Variants in RCAN2 observed in about 807,000 individuals in gnomAD.
RCAN2 encodes calcipressin-2.
Under a neutral mutation model 23.6 loss-of-function variants are expected in RCAN2, and 9 were observed. That is an observed-to-expected ratio of 0.38 (90% CI 0.23 to 0.67). RCAN2 has a LOEUF of 0.67. Ranked by LOEUF, RCAN2 falls within the 30% of genes least tolerant of loss-of-function variation. The pLI is 0.51. For missense variants in RCAN2, 273 were observed against 302.3 expected (o/e 0.90, Z 0.72); for synonymous variants, 109 against 115.7 (o/e 0.94, Z 0.37).
intron 4 of RCAN2, among the ~76,000 whole-genome samples, chr6:46,226,118 G>A (rs1765655822): frequency 6.6e-6 from 1 of 152,096 alleles, no homozygotes; most frequent in Non-Finnish European, 1.5e-5. Flanking sequence ...TTGTTTCTGA[G>A]GGCTCTGTTC....
At chr6:46,477,967 C>G (rs1418418633) in intron 1 of RCAN2, among the ~76,000 whole-genome samples, 3 of 152,122 alleles carry the variant, frequency 2.0e-5, no homozygotes, top group African/African-American at 7.2e-5. Context: ...CTGAAGATGA[C>G]AAAAGTAAGT....
intron 2 of RCAN2, among the ~76,000 whole-genome samples, chr6:46,421,664 G>A (rs996082427): frequency 1.3e-5 from 2 of 152,032 alleles, no homozygotes; most frequent in Non-Finnish European, 2.9e-5. Context: ...ACTTCTCCAG[G>A]TTCCAAAAGC....
intron 2 of RCAN2, among the ~76,000 whole-genome samples, chr6:46,357,234 A>G (rs1311623161): frequency 6.6e-6 from 1 of 152,224 alleles, no homozygotes; most frequent in Admixed American, 6.5e-5. Context: ...ACTTCAGGGC[A>G]ACTAAATGAA....
chr6:46,393,343 A>G (rs1335316261), intron 2 of RCAN2, among the ~76,000 whole-genome samples: 1 of 152,178 alleles, frequency 6.6e-6, no homozygotes, highest in Non-Finnish European at 1.5e-5. Flanking sequence ...TGTGGGGATG[A>G]TAATATTATT....
chr6:46,308,521 T>A (rs547199988), intron 2 of RCAN2, among the ~76,000 whole-genome samples: 6 of 152,066 alleles, frequency 3.9e-5, no homozygotes, highest in Non-Finnish European at 7.4e-5. Flanking sequence ...GACCAAAATG[T>A]CTAAGCACAA....
intron 2 of RCAN2, among the ~76,000 whole-genome samples, chr6:46,345,129 G>A (rs1219740637): frequency 2.0e-5 from 3 of 151,920 alleles, no homozygotes; most frequent in Non-Finnish European, 4.4e-5. Flanking sequence ...CATTATCAAA[G>A]TAGACTTCAA....
intron 2 of RCAN2, among the ~76,000 whole-genome samples, chr6:46,262,086 C>T (rs567336449): frequency 7.9e-5 from 12 of 152,242 alleles, no homozygotes; most frequent in Non-Finnish European, 1.2e-4. Context: ...CAGACCTCCA[C>T]GCCCCATATT....
intron 2 of RCAN2, among the ~76,000 whole-genome samples, chr6:46,250,676 CT>C (rs1475246367): frequency 6.6e-6 from 1 of 152,204 alleles, no homozygotes; most frequent in Non-Finnish European, 1.5e-5. Flanking sequence ...TAGAGAGATA[CT>C]GTCAACTTGA....
At chr6:46,421,621 C>A (rs1766892143) in intron 2 of RCAN2, among the ~76,000 whole-genome samples, 1 of 152,170 alleles carries the variant, frequency 6.6e-6, no homozygotes, top group South Asian at 2.1e-4. Flanking sequence ...TCCAGGAAGT[C>A]TTTCCTTGAT....
At chr6:46,284,107 G>A (rs951601552) in intron 2 of RCAN2, among the ~76,000 whole-genome samples, 6 of 152,062 alleles carry the variant, frequency 3.9e-5, no homozygotes, top group African/African-American at 9.7e-5. Flanking sequence ...TTTAATAAAT[G>A]AGAAATAGCT....
rs1764147576 is a variant in RCAN2 at position 46,336,460 on chromosome 6, A to G, written c.226-87564T>C. Among the ~76,000 whole-genome samples, 9 of 152,338 alleles carry G rather than the reference A, an allele frequency of 5.9e-5. No individual in the cohort carries two copies. In the South Asian group the frequency reaches 1.9e-3, roughly 32 times the overall value. On this transcript the variant is annotated intron_variant, in intron 2 of 4. Coordinates refer to ENST00000371374, the MANE Select transcript of RCAN2 (RefSeq NM_001251974.2). ...AAAAAGATCAAGAAAGGCTTCAAGG[A>G]AAAAGAAGGGCATGTGATGTGGATG...
intron 2 of RCAN2, among the ~76,000 whole-genome samples, chr6:46,454,634 G>T (rs904047640): frequency 6.6e-6 from 1 of 152,162 alleles, no homozygotes; most frequent in African/African-American, 2.4e-5. Context: ...CTCCATGGCT[G>T]TAAAATGGTG....
At chr6:46,344,781 C>A (rs984010436) in intron 2 of RCAN2, among the ~76,000 whole-genome samples, 5 of 151,814 alleles carry the variant, frequency 3.3e-5, no homozygotes, top group Middle Eastern at 3.4e-3. Flanking sequence ...CAAGAGAAGG[C>A]AGAAAAGGAA....
chr6:46,398,915 T>C (rs1001197014), intron 2 of RCAN2, among the ~76,000 whole-genome samples: 1 of 150,804 alleles, frequency 6.6e-6, no homozygotes, highest in African/African-American at 2.4e-5. Flanking sequence ...TTTATAAATA[T>C]ATATATATAT....
chr6:46,486,513 G>A (rs114866534), intron 1 of RCAN2, among the ~76,000 whole-genome samples: 2,543 of 152,218 alleles, frequency 0.017, 36 homozygotes, highest in Non-Finnish European at 0.028. Flanking sequence ...GGCATGGCCC[G>A]AGTCTTCAGA....
At chr6:46,462,483 C>T (rs1030862825) in intron 1 of RCAN2, among the ~76,000 whole-genome samples, 2 of 152,170 alleles carry the variant, frequency 1.3e-5, no homozygotes, top group South Asian at 2.1e-4. Flanking sequence ...AACATGATAG[C>T]ACTTTTTAAA....
intron 2 of RCAN2, among the ~76,000 whole-genome samples, chr6:46,338,776 G>GCCAA (rs1260168813): frequency 2.0e-5 from 3 of 152,046 alleles, no homozygotes; most frequent in Non-Finnish European, 4.4e-5. Context: ...ACTTTGGGAG[G>GCCAA]CCAAGGTGGG....
intron 1 of RCAN2, among the ~76,000 whole-genome samples, chr6:46,486,614 T>A (rs894823678): frequency 2.6e-5 from 4 of 152,300 alleles, no homozygotes; most frequent in Middle Eastern, 3.4e-3. Flanking sequence ...AGTGATAAAA[T>A]CTAGGACCGT....
At chr6:46,334,254 A>G (rs942610415) in intron 2 of RCAN2, among the ~76,000 whole-genome samples, 3 of 152,134 alleles carry the variant, frequency 2.0e-5, no homozygotes, top group African/African-American at 7.2e-5. Flanking sequence ...CATAGTTGTT[A>G]TCTCCCTCCC....
Sources: gnomAD v4.1 joint callset for allele counts (sites outside exome capture counted in the v4.1 genomes callset) on GRCh38, gnomAD v4.1.1 for gene constraint, MANE v1.5 for transcripts, NCBI Gene and HGNC (gene_info 2026-07-23, HGNC 2026-07-21) for gene names.